CCBE1: variants seen among roughly 807,000 people sequenced by gnomAD.
CCBE1 encodes collagen and calcium binding EGF domains 1.
In CCBE1, 37 loss-of-function variants were observed where a neutral mutation model predicts 50.0. That is an observed-to-expected ratio of 0.74 (90% CI 0.57 to 0.97). The LOEUF (loss-of-function observed/expected upper bound fraction) is 0.97. CCBE1 is among the 50% of genes least tolerant of loss of function. CCBE1 has a pLI of 0.00. For synonymous variants in CCBE1, 234 were observed against 203.7 expected (o/e 1.15, Z -1.27); for missense variants, 538 against 523.8 (o/e 1.03, Z -0.26).
Position 59,666,941 on chromosome 18 carries a change from G to C in CCBE1, c.212+29688C>G, listed in dbSNP as rs529947168. Among the ~76,000 whole-genome samples, 3 of 152,260 alleles carry C rather than the reference G, an allele frequency of 2.0e-5. No individual in the cohort carries two copies. In the South Asian group the frequency reaches 6.2e-4, roughly 32 times the overall value. ...GATCGTGCCACTGCACTCCAGCCTGGGCAACAGAGCAAGACTCTGTCTCAA... is the reference window on the plus strand; with the variant it reads ...GATCGTGCCACTGCACTCCAGCCTGCGCAACAGAGCAAGACTCTGTCTCAA... On this transcript the variant is annotated intron_variant, in intron 2 of 10. Coordinates refer to ENST00000439986, the MANE Select transcript of CCBE1 (RefSeq NM_133459.4).
chr18:59,638,121 C>T (rs1180331842), intron 2 of CCBE1, among the ~76,000 whole-genome samples: 1 of 152,086 alleles, frequency 6.6e-6, no homozygotes, highest in Non-Finnish European at 1.5e-5. Flanking sequence ...GCATCATGAA[C>T]AAAATGGGTT....
chr18:59,615,583 T>C (rs1448705568), intron 2 of CCBE1, among the ~76,000 whole-genome samples: 3 of 152,158 alleles, frequency 2.0e-5, no homozygotes, highest in African/African-American at 7.2e-5. Context: ...CTACAGTTAA[T>C]TATAAGTTTG....
At chr18:59,457,569 A>G (rs937220030) in intron 5 of CCBE1, among the ~76,000 whole-genome samples, 2 of 152,178 alleles carry the variant, frequency 1.3e-5, no homozygotes, top group African/African-American at 4.8e-5. Context: ...GGCGATGCCC[A>G]GCAGTTTTCA....
At chr18:59,462,589 A>C (rs1911541120) in intron 5 of CCBE1, 1 of 152,112 alleles carries the variant, frequency 6.6e-6, no homozygotes, top group African/African-American at 2.4e-5. Flanking sequence ...GGGTCTCACT[A>C]TGTTGGCCAG....
At chr18:59,492,986 G>A (rs1441836653) in intron 2 of CCBE1, among the ~76,000 whole-genome samples, 1 of 152,196 alleles carries the variant, frequency 6.6e-6, no homozygotes, top group Non-Finnish European at 1.5e-5. Context: ...ACCACACTGT[G>A]GGCAGTTCCA....
chr18:59,550,234 C>T (rs1211465692), intron 2 of CCBE1, among the ~76,000 whole-genome samples: 2 of 152,142 alleles, frequency 1.3e-5, no homozygotes, highest in Non-Finnish European at 2.9e-5. Context: ...CAAACTATGA[C>T]CCATGGACCA....
At chr18:59,670,099 C>T (rs1169053522) in intron 2 of CCBE1, among the ~76,000 whole-genome samples, 3 of 150,560 alleles carry the variant, frequency 2.0e-5, no homozygotes, top group African/African-American at 2.5e-5. Flanking sequence ...TTTTAGTTCC[C>T]ATAGCATGTC....
intron 2 of CCBE1, among the ~76,000 whole-genome samples, chr18:59,661,129 G>T (rs1361806197): frequency 6.6e-6 from 1 of 151,984 alleles, no homozygotes; most frequent in Non-Finnish European, 1.5e-5. Flanking sequence ...GGAAAATTTT[G>T]CAACTTAAGA....
chr18:59,500,712 T>G (rs1037690693), intron 2 of CCBE1, among the ~76,000 whole-genome samples: 1 of 152,198 alleles, frequency 6.6e-6, no homozygotes, highest in African/African-American at 2.4e-5. Context: ...GCTCACTCCC[T>G]GTGCACCTGA....
intron 2 of CCBE1, among the ~76,000 whole-genome samples, chr18:59,635,329 A>G (rs1312031820): frequency 2.6e-5 from 4 of 151,746 alleles, no homozygotes; most frequent in Admixed American, 2.0e-4. Context: ...TAAAGTACAA[A>G]CAGTATGTCA....
At chr18:59,520,136 G>C (rs1914536784) in intron 2 of CCBE1, among the ~76,000 whole-genome samples, 1 of 152,130 alleles carries the variant, frequency 6.6e-6, no homozygotes. Context: ...TTTTTGCTTA[G>C]GATTGTCTTG....
At chr18:59,656,276 G>C (rs2054188100) in intron 2 of CCBE1, among the ~76,000 whole-genome samples, 1 of 152,144 alleles carries the variant, frequency 6.6e-6, no homozygotes, top group Non-Finnish European at 1.5e-5. Context: ...GAATTTTCTA[G>C]TACTTAATGA....
intron 2 of CCBE1, among the ~76,000 whole-genome samples, chr18:59,505,652 G>C (rs1913836416): frequency 6.6e-6 from 1 of 152,210 alleles, no homozygotes; most frequent in Non-Finnish European, 1.5e-5. Context: ...ATAAAGACAT[G>C]TTAAAATTGG....
At chr18:59,666,512 A>G (rs1256011182) in intron 2 of CCBE1, among the ~76,000 whole-genome samples, 2 of 152,166 alleles carry the variant, frequency 1.3e-5, no homozygotes, top group African/African-American at 4.8e-5. Flanking sequence ...ACCCAGGACA[A>G]AAGGCATCAC....
chr18:59,530,576 T>C (rs2144352296), intron 2 of CCBE1, among the ~76,000 whole-genome samples: 1 of 152,278 alleles, frequency 6.6e-6, no homozygotes, highest in Middle Eastern at 3.4e-3. Flanking sequence ...ACTCTTTCCC[T>C]CCTGTACACT....
At chr18:59,485,935 A>G (rs1401920549) in intron 2 of CCBE1, among the ~76,000 whole-genome samples, 2 of 151,368 alleles carry the variant, frequency 1.3e-5, no homozygotes, top group Non-Finnish European at 2.9e-5. Flanking sequence ...AGAAAACTGC[A>G]TGTTTGAGAG....
chr18:59,529,009 C>T (rs938817570), intron 2 of CCBE1, among the ~76,000 whole-genome samples: 3 of 152,300 alleles, frequency 2.0e-5, no homozygotes, highest in East Asian at 3.9e-4. Context: ...GGGTGTGCTG[C>T]GCTGAAGGAA....
chr18:59,537,770 T>C (rs902969893), intron 2 of CCBE1, among the ~76,000 whole-genome samples: 3 of 152,192 alleles, frequency 2.0e-5, no homozygotes, highest in African/African-American at 7.2e-5. Flanking sequence ...TAACACATTT[T>C]TCCATCTCAT....
Position 59,466,869 on chromosome 18 carries a change from G to A in CCBE1, c.423C>T (p.Ser141=). Residue 141 remains serine, a synonymous_variant, in exon 5 of 11, where the codon AGC becomes AGT. Transcript: ENST00000439986. The part of the protein sequence containing the change: ...YCLDIDECAS[S]NGTLCAHICI... ...AGATGTGGGCACACAGCGTCCCATT[G>A]CTGCTGGCACACTCATCAATATCTG... 1.9e-6 allele frequency: 3 copies of A among 1,613,226 alleles called. No homozygotes were observed. The highest frequency in any genetic ancestry group is 2.5e-6 in the Non-Finnish European group (3 of 1,179,620).
Sources: allele counts gnomAD v4.1 joint callset (sites outside exome capture counted in the v4.1 genomes callset), GRCh38; gene constraint gnomAD v4.1.1; transcripts MANE v1.5; gene names NCBI Gene and HGNC (gene_info 2026-07-23, HGNC 2026-07-21).